The following NRG3 variants were observed in gnomAD, a reference collection of about 807,000 sequenced individuals.
The protein encoded by NRG3 is neuregulin 3, also known as pro-neuregulin-3, membrane-bound isoform.
Under a neutral mutation model 66.9 loss-of-function variants are expected in NRG3, and 31 were observed. That is an observed-to-expected ratio of 0.46 (90% confidence interval 0.35 to 0.63). The LOEUF is 0.63. Among genes scored for constraint, NRG3 ranks in the 20% least tolerant of loss-of-function variants. The probability of loss-of-function intolerance (pLI) is 0.00; values close to 1 mark genes in which losing one functional copy is unlikely to be tolerated. For synonymous variants in NRG3, 393 were observed against 359.4 expected, an observed-to-expected ratio of 1.09 and a Z score of -1.06; for missense variants, 910 against 878.9, an observed-to-expected ratio of 1.04 and a Z score of -0.45.
intron 1 of NRG3, among the ~76,000 whole-genome samples, chr10:82,044,422 G>T (rs145186720): frequency 1.1e-3 from 168 of 151,894 alleles, no homozygotes; most frequent in African/African-American, 3.9e-3. Context: ...AAACTAACAT[G>T]CACATCTAAG....
At chr10:82,535,120 A>G (rs1221372534) in intron 2 of NRG3, among the ~76,000 whole-genome samples, 1 of 149,678 alleles carries the variant, frequency 6.7e-6, no homozygotes. Flanking sequence ...ATGCCACTGC[A>G]CTCCAGCCTG....
intron 3 of NRG3, among the ~76,000 whole-genome samples, chr10:82,768,927 G>T (rs978366271): frequency 6.6e-6 from 1 of 152,148 alleles, no homozygotes; most frequent in South Asian, 2.1e-4. Context: ...TGAACAAAAA[G>T]AAATGTTATA....
intron 4 of NRG3, among the ~76,000 whole-genome samples, chr10:82,917,690 C>T (rs976112074): frequency 2.0e-5 from 3 of 151,934 alleles, no homozygotes; most frequent in Non-Finnish European, 4.4e-5. Context: ...TCTTGAATAT[C>T]CTGGAATAAA....
intron 1 of NRG3, among the ~76,000 whole-genome samples, chr10:81,975,035 A>G (rs1002856879): frequency 3.3e-5 from 5 of 152,102 alleles, no homozygotes; most frequent in Non-Finnish European, 7.4e-5. Context: ...AAACAATGAG[A>G]AATCATTGGA....
At chr10:82,575,004 T>G (rs1253704370) in intron 2 of NRG3, among the ~76,000 whole-genome samples, 1 of 151,742 alleles carries the variant, frequency 6.6e-6, no homozygotes, top group Non-Finnish European at 1.5e-5. Flanking sequence ...AAAGATCTAT[T>G]GTGCAACAGG....
chr10:82,925,878 G>T (rs73311358), intron 4 of NRG3, among the ~76,000 whole-genome samples: 13,938 of 152,168 alleles, frequency 0.092, 862 homozygotes, highest in African/African-American at 0.16. Context: ...ACCCCCTTTT[G>T]CAGCCTGCCC....
At chr10:82,762,286 C>A (rs2059360281) in intron 3 of NRG3, among the ~76,000 whole-genome samples, 2 of 151,864 alleles carry the variant, frequency 1.3e-5, no homozygotes, top group South Asian at 4.2e-4. Context: ...CCACACCCAG[C>A]CACAAATAGA....
chr10:82,540,360 T>A (rs1439436894), intron 2 of NRG3, among the ~76,000 whole-genome samples: 1 of 152,226 alleles, frequency 6.6e-6, no homozygotes, highest in African/African-American at 2.4e-5. Context: ...TTTCTCTTTT[T>A]TTCCCTTCCT....
intron 1 of NRG3, among the ~76,000 whole-genome samples, chr10:81,892,999 ACAGT>A (rs1361359555): frequency 2.6e-5 from 4 of 152,216 alleles, no homozygotes; most frequent in Admixed American, 2.0e-4. Flanking sequence ...CTGAGCTGCG[ACAGT>A]CAGTGACATT....
chr10:82,423,197 A>G (rs942340794), intron 2 of NRG3, among the ~76,000 whole-genome samples: 2 of 151,962 alleles, frequency 1.3e-5, no homozygotes, highest in South Asian at 4.1e-4. Context: ...TCAATGTAGC[A>G]TTGTATTTAA....
chr10:82,574,803 T>G (rs2045940140), intron 2 of NRG3, among the ~76,000 whole-genome samples: 2 of 151,782 alleles, frequency 1.3e-5, no homozygotes, highest in South Asian at 2.1e-4. Context: ...TACTTAAACA[T>G]TATGTAAATG....
At chr10:81,881,313 G>T in intron 1 of NRG3, among the ~76,000 whole-genome samples, 1 of 150,940 alleles carries the variant, frequency 6.6e-6, no homozygotes. Context: ...TTAATCTTTT[G>T]GGTAAGTTAG....
rs558819347 is a variant in NRG3, at chr10:82,909,636, G to T, written c.1055-41833G>T. 3.9e-5 allele frequency among the ~76,000 whole-genome samples: 6 copies of T among 152,262 alleles called. No individual in the cohort carries two copies. In the South Asian group the frequency reaches 1.2e-3, roughly 32 times the overall value. On this transcript the variant is annotated intron_variant, in intron 4 of 8. Transcript: ENST00000372141. ...GTGCAGACCAGAAGCACCAGCAGTA[G>T]GTTCCTAATGATGTTCCACATGAGG...
chr10:81,958,029 G>T (rs1461600131), intron 1 of NRG3, among the ~76,000 whole-genome samples: 1 of 152,128 alleles, frequency 6.6e-6, no homozygotes, highest in East Asian at 1.9e-4. Context: ...ACTACTAGGG[G>T]TTGTTAACAC....
intron 1 of NRG3, among the ~76,000 whole-genome samples, chr10:82,245,077 T>A (rs181082441): frequency 1.8e-4 from 28 of 152,242 alleles, no homozygotes; most frequent in Admixed American, 5.9e-4. Flanking sequence ...CATTACATTG[T>A]AACATACAAT....
rs2077358488 is a variant in NRG3, at chr10:82,248,770, CA to C, written c.824-109968del. Among the ~76,000 whole-genome samples the C allele has an allele frequency of 3.3e-5, 5 of 152,296 alleles. No homozygotes were observed. The South Asian group carries it at 1.0e-3, about 32-fold the overall frequency. The stretch of plus-strand genomic sequence containing the variant: ...TGCTTCCAGTACATTCTGTACACAG[CA>C]GTCAAATTATTGTAAAACAAAGCTT... On this transcript the variant is annotated intron_variant, in intron 1 of 8. Coordinates refer to ENST00000372141, the MANE Select transcript of NRG3 (RefSeq NM_001010848.4).
At chr10:82,904,302 C>T (rs1198418722) in intron 4 of NRG3, among the ~76,000 whole-genome samples, 1 of 152,036 alleles carries the variant, frequency 6.6e-6, no homozygotes, top group African/African-American at 2.4e-5. Flanking sequence ...CCAGGGAAGC[C>T]AAAAGACTGG....
intron 2 of NRG3, among the ~76,000 whole-genome samples, chr10:82,656,612 A>G (rs1423503495): frequency 1.3e-5 from 2 of 151,754 alleles, no homozygotes; most frequent in Non-Finnish European, 2.9e-5. Context: ...TTTTGCTGCA[A>G]TCCACCTGTC....
At chr10:82,694,376 T>A (rs531031190) in intron 2 of NRG3, among the ~76,000 whole-genome samples, 1 of 152,320 alleles carries the variant, frequency 6.6e-6, no homozygotes, top group Non-Finnish European at 1.5e-5. Context: ...TTTAAAAATT[T>A]GGGCAGATTA....
Sources: allele counts gnomAD v4.1 joint callset (sites outside exome capture counted in the v4.1 genomes callset), GRCh38; gene constraint gnomAD v4.1.1; transcripts MANE v1.5; gene names NCBI Gene and HGNC (gene_info 2026-07-23, HGNC 2026-07-21).